Variants in SPRR4 observed in about 807,000 individuals in gnomAD.
The protein encoded by SPRR4 is small proline rich protein 4.
For missense variants in SPRR4, 106 were observed against 91.6 expected (o/e 1.16, Z -0.64); for synonymous variants, 30 against 34.3 (o/e 0.87, Z 0.44).
rs73010459 is a variant in SPRR4, at chr1:152,972,302, C to T, written c.*172C>T. ...TCTTCCCATCGTACCCTTCCCCACA[C>T]ATACCACCTTGGCTTCTTCTATATC... On this transcript the variant is annotated 3_prime_UTR_variant, in exon 2 of 2. Transcript: ENST00000328051. 9.9e-3 allele frequency: 11,043 copies of T among 1,113,832 alleles called. 652 individuals are homozygous for T. In the African/African-American group the frequency reaches 0.14, roughly 14 times the overall value. The allele number at this position is 1,113,832 out of a possible 1,614,324, so 69.0% of individuals were successfully genotyped here.
At chr1:152,970,336 T>C (rs1161288806), upstream of SPRR4, among the ~76,000 whole-genome samples, 4 of 152,238 alleles carry the variant, frequency 2.6e-5, no homozygotes, top group Admixed American at 2.0e-4. Context: ...TCCTCTTTTT[T>C]CTTCAATATT....
Position 152,972,504 on chromosome 1 carries a change from C to G in SPRR4, c.*374C>G. The G allele has an allele frequency of 3.8e-6, 1 of 261,422 alleles. No individual in the cohort carries two copies. The highest frequency in any genetic ancestry group is 7.9e-6 in the Non-Finnish European group (1 of 126,752). 16.2% of individuals were successfully genotyped at this position (261,422 alleles called of 1,614,324 possible). A position where few individuals can be genotyped will look rare whatever the true frequency, so the allele number is the denominator to read the frequency against. ...CTGGTGCACAGTTTCTGCCTCATTC[C>G]TCTCCATGATGCCCCCTGCTCTGGG... On this transcript the variant is annotated 3_prime_UTR_variant, in exon 2 of 2. Coordinates refer to ENST00000328051, the MANE Select transcript of SPRR4 (RefSeq NM_173080.3).
In SPRR4 at chr1:152,971,888, G is replaced by T; in HGVS notation, c.-3G>T. 6.2e-7 allele frequency: 1 copy of T among 1,613,942 alleles called. No homozygotes were observed. Among genetic ancestry groups the T allele is most frequent in the Non-Finnish European group, 8.5e-7 (1 of 1,180,006 alleles). On this transcript the variant is annotated 5_prime_UTR_variant, in exon 2 of 2. Transcript: ENST00000328051. ...TCCTTTAGGCTCACCTGTTCCTAGA[G>T]CAATGTCTTCCCAGCAGCAGCAGCG...
chr1:152,969,407 A>C (rs1017435551), upstream of SPRR4, among the ~76,000 whole-genome samples: 2 of 152,242 alleles, frequency 1.3e-5, no homozygotes, highest in South Asian at 2.1e-4. Flanking sequence ...AGGGATTTGA[A>C]AAATGCTTTG....
At chr1:152,971,510 CA>C (rs1481971239) in intron 1 of SPRR4, among the ~76,000 whole-genome samples, 9 of 151,758 alleles carry the variant, frequency 5.9e-5, no homozygotes. Context: ...CATGGTGAGT[CA>C]GGGGTGGAGC....
In SPRR4 at chr1:152,971,947, G is replaced by C. The variant is rs1442356806; in HGVS notation, c.57G>C (p.Gln19His). 1.2e-6 allele frequency: 2 copies of C among 1,613,902 alleles called. No individual in the cohort carries two copies. The highest frequency in any genetic ancestry group is 1.3e-5 in the African/African-American group (1 of 74,850). Residue 19 changes from glutamine (Q) to histidine (H), a missense_variant, in exon 2 of 2, where the codon CAG becomes CAC. Transcript: ENST00000328051. ...QQQQCPPQRA[Q>H]QQQVKQPCQP... ...AGCAGTGCCCACCCCAGAGGGCCCA[G>C]CAGCAGCAAGTGAAGCAGCCTTGTC...
chr1:152,969,512 G>A (rs532174674), upstream of SPRR4, among the ~76,000 whole-genome samples: 4 of 152,240 alleles, frequency 2.6e-5, no homozygotes, highest in East Asian at 7.7e-4. Context: ...CTCTTGTTGG[G>A]CAGCATCCTG....
At chr1:152,971,153 G>A (rs1445089722) in intron 1 of SPRR4, among the ~76,000 whole-genome samples, 2 of 151,994 alleles carry the variant, frequency 1.3e-5, no homozygotes, top group African/African-American at 2.4e-5. Flanking sequence ...TACTTCCTGA[G>A]GCCTGCACTT....
Position 152,972,369 on chromosome 1 carries a change from T to A in SPRR4, c.*239T>A, listed in dbSNP as rs377105505. The A allele has an allele frequency of 5.0e-6, 3 of 603,280 alleles. No homozygotes were observed. Among genetic ancestry groups the A allele is most frequent in the Non-Finnish European group, 8.7e-6 (3 of 344,068 alleles). 37.4% of individuals were successfully genotyped at this position (603,280 alleles called of 1,614,324 possible). Reference sequence around the variant, plus strand: ...CCAGGTGGGTGTGAGAGAGACCTCATTCTCTGCAGGCTCCAGCGTGGCCAC... The same window carrying A: ...CCAGGTGGGTGTGAGAGAGACCTCAATCTCTGCAGGCTCCAGCGTGGCCAC... On this transcript the variant is annotated 3_prime_UTR_variant, in exon 2 of 2. Transcript: ENST00000328051.
At chr1:152,971,797 A>G (rs1445000455) in intron 1 of SPRR4, 74 bp from the exon 2 acceptor site, 3 of 1,541,112 alleles carry the variant, frequency 1.9e-6, no homozygotes, top group East Asian at 2.3e-5. Flanking sequence ...CTTTTTAACC[A>G]TCTTTTTAAA....
chr1:152,971,638 C>G (rs1466074867), intron 1 of SPRR4, among the ~76,000 whole-genome samples: 1 of 151,526 alleles, frequency 6.6e-6, no homozygotes, highest in Non-Finnish European at 1.5e-5. Flanking sequence ...TGATGCTTAC[C>G]TGTAAGACAG....
intron 1 of SPRR4, among the ~76,000 whole-genome samples, chr1:152,971,557 C>A (rs1254734550): frequency 6.7e-6 from 1 of 149,258 alleles, no homozygotes; most frequent in East Asian, 2.0e-4. Context: ...TTCTTATACA[C>A]CCCTTCTCCA....
At position 152,972,154 on chromosome 1, in the gene SPRR4, T is replaced by G; in HGVS notation, c.*24T>G. The G allele has an allele frequency of 2.5e-6, 4 of 1,613,540 alleles. No individual in the cohort carries two copies. The highest frequency in any genetic ancestry group is 3.4e-6 in the Non-Finnish European group (4 of 1,179,598). The stretch of plus-strand genomic sequence containing the variant: ...AAGGATGGACTGGATATTACCATCA[T>G]CCACCATCCTGGCTACCAGATGGAA... On this transcript the variant is annotated 3_prime_UTR_variant, in exon 2 of 2. Transcript: ENST00000328051.
In SPRR4 at chr1:152,972,141, G is replaced by A. The variant is rs779517359; in HGVS notation, c.*11G>A. 31 of 1,613,678 alleles carry A rather than the reference G, an allele frequency of 1.9e-5. No homozygotes were observed. Among genetic ancestry groups the A allele is most frequent in the Admixed American group, 1.7e-4 (10 of 59,966 alleles). On this transcript the variant is annotated 3_prime_UTR_variant, in exon 2 of 2. Transcript: ENST00000328051. ...AGCAAACAGAAGTAAGGATGGACTG[G>A]ATATTACCATCATCCACCATCCTGG...
chr1:152,972,479 C>A lies in SPRR4; in HGVS notation c.*349C>A. 3.2e-6 allele frequency: 1 copy of A among 314,786 alleles called. No homozygotes were observed. Among genetic ancestry groups the A allele is most frequent in the Non-Finnish European group, 6.3e-6 (1 of 158,346 alleles). The allele number at this position is 314,786 out of a possible 1,614,324, so 19.5% of individuals were successfully genotyped here. On this transcript the variant is annotated 3_prime_UTR_variant, in exon 2 of 2. Transcript: ENST00000328051. Reference sequence around the variant, plus strand: ...ACCCTGACAAGTAGGGTCACAGAGGCTGGTGCACAGTTTCTGCCTCATTCC... The same window carrying A: ...ACCCTGACAAGTAGGGTCACAGAGGATGGTGCACAGTTTCTGCCTCATTCC...
chr1:152,972,155 C>A lies in SPRR4; in HGVS notation c.*25C>A, dbSNP rs746531632. 1.2e-6 allele frequency: 2 copies of A among 1,613,478 alleles called. No individual in the cohort carries two copies. The highest frequency in any genetic ancestry group is 2.2e-5 in the South Asian group (2 of 91,016). On this transcript the variant is annotated 3_prime_UTR_variant, in exon 2 of 2. Transcript: ENST00000328051. ...AGGATGGACTGGATATTACCATCAT[C>A]CACCATCCTGGCTACCAGATGGAAC... is the stretch of plus-strand genomic sequence containing the variant.
upstream of SPRR4, among the ~76,000 whole-genome samples, chr1:152,970,283 C>T (rs976330366): frequency 6.6e-6 from 1 of 152,210 alleles, no homozygotes; most frequent in African/African-American, 2.4e-5. Context: ...AAGGGATGTT[C>T]ACATTTTTGT....
chr1:152,972,309 C>T lies in SPRR4; in HGVS notation c.*179C>T. ...ATCGTACCCTTCCCCACACATACCA[C>T]CTTGGCTTCTTCTATATCCCACCCC... On this transcript the variant is annotated 3_prime_UTR_variant, in exon 2 of 2. Coordinates refer to ENST00000328051, the MANE Select transcript of SPRR4 (RefSeq NM_173080.3). 2 of 1,054,704 alleles carry T rather than the reference C, an allele frequency of 1.9e-6. No individual in the cohort carries two copies. The highest frequency in any genetic ancestry group is 2.7e-6 in the Non-Finnish European group (2 of 736,358). 65.3% of individuals were successfully genotyped at this position (1,054,704 alleles called of 1,614,324 possible).
upstream of SPRR4, among the ~76,000 whole-genome samples, chr1:152,970,366 C>CA (rs560730944): frequency 1.3e-5 from 2 of 152,222 alleles, no homozygotes; most frequent in Non-Finnish European, 2.9e-5. Flanking sequence ...TGTCTGTCTG[C>CA]AAACAGCTCC....
Sources: gnomAD v4.1 joint callset for allele counts (sites outside exome capture counted in the v4.1 genomes callset) on GRCh38, gnomAD v4.1.1 for gene constraint, MANE v1.5 for transcripts, NCBI Gene and HGNC (gene_info 2026-07-23, HGNC 2026-07-21) for gene names.